Variants in MITF observed in about 807,000 individuals in gnomAD.
The protein encoded by MITF is melanocyte inducing transcription factor.
MITF carries 17 observed loss-of-function variants against 60.5 expected under a neutral mutation model. The observed-to-expected ratio is 0.28, with a 90% CI of 0.19 to 0.42. The LOEUF is 0.42. Among genes scored for constraint, MITF ranks in the 10% least tolerant of loss-of-function variants. The pLI, the probability that MITF is intolerant of heterozygous loss-of-function variation, is 1.00. For synonymous variants in MITF, 260 were observed against 248.5 expected, an observed-to-expected ratio of 1.05 and a Z score of -0.43; for missense variants, 622 against 683.5, an observed-to-expected ratio of 0.91 and a Z score of 1.00.
chr3:69,811,786 G>A (rs1409968031), intron 1 of MITF, among the ~76,000 whole-genome samples: 1 of 152,198 alleles, frequency 6.6e-6, no homozygotes, highest in African/African-American at 2.4e-5. Flanking sequence ...CTTGGTCTTT[G>A]TGTGATTTGA....
At chr3:69,953,662 T>C in intron 7 of MITF, among the ~76,000 whole-genome samples, 1 of 136,564 alleles carries the variant, frequency 7.3e-6, no homozygotes, top group South Asian at 2.5e-4. Flanking sequence ...TATATATATA[T>C]AGAGAGAGAG....
In MITF at chr3:69,879,514, C is replaced by G. The variant is rs1292099048; in HGVS notation, c.354+131C>G. 1.4e-5 allele frequency: 20 copies of G among 1,463,840 alleles called. No individual in the cohort carries two copies. In the Admixed American group the frequency reaches 4.1e-4, roughly 30 times the overall value. The allele number at this position is 1,463,840 out of a possible 1,614,324, so 90.7% of individuals were successfully genotyped here. A position where few individuals can be genotyped will look rare whatever the true frequency, so the allele number is the denominator to read the frequency against. On this transcript the variant is annotated intron_variant, in intron 2 of 9. Coordinates refer to ENST00000352241, the MANE Select transcript of MITF (RefSeq NM_001354604.2). ...AATTATATTTGAAAACTCCAACTCC[C>G]TTAATTCTTACGTGGCTTTATATTT...
chr3:69,930,992 G>A (rs1028635653), intron 2 of MITF, among the ~76,000 whole-genome samples: 2 of 152,212 alleles, frequency 1.3e-5, no homozygotes, highest in Non-Finnish European at 2.9e-5. Context: ...AGAAAGCTAT[G>A]ATACAGTTTA....
rs113405306 is a variant in MITF, at chr3:69,845,894, T to C, written c.105-33240T>C. 5.3e-5 allele frequency among the ~76,000 whole-genome samples: 8 copies of C among 152,320 alleles called. 1 individual carries two copies. Among genetic ancestry groups the C allele is most frequent in the African/African-American group, 1.7e-4 (7 of 41,576 alleles). On this transcript the variant is annotated intron_variant, in intron 1 of 9. Transcript: ENST00000352241. ...TCGGCAGGAGTGTCATGGCTCTGTG[T>C]GTGCATGTGTAGGTAAAAAGAACAC...
chr3:69,816,833 G>A (rs918266931), intron 1 of MITF, among the ~76,000 whole-genome samples: 3 of 152,298 alleles, frequency 2.0e-5, no homozygotes, highest in East Asian at 3.9e-4. Context: ...GGTGGTGGTC[G>A]TGGTATTCAG....
chr3:69,793,496 G>GCTCATAGCATGCACCCTCTCCCAATA, intron 1 of MITF, among the ~76,000 whole-genome samples: 1 of 151,898 alleles, frequency 6.6e-6, no homozygotes, highest in East Asian at 1.9e-4. Context: ...CCCATTAGAT[G>GCTCATAGCATGCACCCTCTCCCAATA]CTCATAGCAT....
At chr3:69,765,090 C>A (rs1575680228) in intron 1 of MITF, among the ~76,000 whole-genome samples, 1 of 152,148 alleles carries the variant, frequency 6.6e-6, no homozygotes, top group African/African-American at 2.4e-5. Flanking sequence ...GATTGAACTG[C>A]AGTCCCGTGG....
At chr3:69,769,235 GATA>G (rs1290354924) in intron 1 of MITF, among the ~76,000 whole-genome samples, 2 of 152,034 alleles carry the variant, frequency 1.3e-5, no homozygotes, top group African/African-American at 4.8e-5. Flanking sequence ...TAATGATGAT[GATA>G]ATAATAATTA....
At chr3:69,899,005 C>A (rs548456078) in intron 2 of MITF, among the ~76,000 whole-genome samples, 1 of 152,260 alleles carries the variant, frequency 6.6e-6, no homozygotes, top group Non-Finnish European at 1.5e-5. Flanking sequence ...TCCCTACCAC[C>A]ACCCAAAAAG....
At chr3:69,884,331 A>G (rs908845563) in intron 2 of MITF, among the ~76,000 whole-genome samples, 1 of 152,156 alleles carries the variant, frequency 6.6e-6, no homozygotes. Context: ...GTCTGAAGAA[A>G]TATGTTAGTC....
intron 1 of MITF, among the ~76,000 whole-genome samples, chr3:69,806,825 TG>T (rs2063016562): frequency 6.6e-6 from 1 of 152,186 alleles, no homozygotes; most frequent in African/African-American, 2.4e-5. Context: ...CTGTTTCACT[TG>T]AGACTCTGTG....
intron 1 of MITF, among the ~76,000 whole-genome samples, chr3:69,869,214 G>A (rs2064175622): frequency 6.6e-6 from 1 of 152,124 alleles, no homozygotes; most frequent in African/African-American, 2.4e-5. Flanking sequence ...ACTATGTGCT[G>A]GAGAGACAAT....
intron 1 of MITF, among the ~76,000 whole-genome samples, chr3:69,810,500 A>G (rs62251019): frequency 0.15 from 23,403 of 152,178 alleles, 2,106 homozygotes; most frequent in South Asian, 0.21. Flanking sequence ...AAGTAATAGA[A>G]GTAGGATTTA....
At chr3:69,962,797 G>T (rs955724281) in intron 9 of MITF, among the ~76,000 whole-genome samples, 1 of 152,124 alleles carries the variant, frequency 6.6e-6, no homozygotes, top group Non-Finnish European at 1.5e-5. Flanking sequence ...GTTACAGGGG[G>T]AATCAAGGGT....
chr3:69,783,392 G>A (rs1227526755), intron 1 of MITF, among the ~76,000 whole-genome samples: 1 of 151,920 alleles, frequency 6.6e-6, no homozygotes, highest in East Asian at 1.9e-4. Context: ...GAAAAGAAAG[G>A]TAAGGGGCTT....
intron 1 of MITF, among the ~76,000 whole-genome samples, chr3:69,871,666 G>C (rs1216826424): frequency 6.6e-6 from 1 of 152,204 alleles, no homozygotes; most frequent in Non-Finnish European, 1.5e-5. Context: ...TAGACATGCA[G>C]TAATTGTTAA....
intron 1 of MITF, among the ~76,000 whole-genome samples, chr3:69,850,076 T>G (rs930653259): frequency 3.9e-5 from 6 of 152,190 alleles, no homozygotes; most frequent in Non-Finnish European, 7.3e-5. Flanking sequence ...GAAAAGTATT[T>G]GACCAAAAAG....
intron 1 of MITF, among the ~76,000 whole-genome samples, chr3:69,765,657 A>G (rs2062279090): frequency 6.6e-6 from 1 of 152,248 alleles, no homozygotes; most frequent in African/African-American, 2.4e-5. Context: ...CTTTGCTGTT[A>G]TCTTTCATAA....
chr3:69,935,691 T>C (rs1293715758), intron 2 of MITF, among the ~76,000 whole-genome samples: 3 of 152,200 alleles, frequency 2.0e-5, no homozygotes, highest in African/African-American at 7.2e-5. Flanking sequence ...TAAGCATTTA[T>C]CATAATTTAT....
Sources: allele counts gnomAD v4.1 joint callset (sites outside exome capture counted in the v4.1 genomes callset), GRCh38; gene constraint gnomAD v4.1.1; transcripts MANE v1.5; gene names NCBI Gene and HGNC (gene_info 2026-07-23, HGNC 2026-07-21).